The following PCDHGA2 variants were observed in gnomAD, a reference collection of about 807,000 sequenced individuals.
PCDHGA2 encodes protocadherin gamma-A2.
A neutral mutation model predicts 59.2 loss-of-function variants in PCDHGA2; 40 were observed. The ratio of observed to expected loss-of-function variants is 0.68; its 90% CI spans 0.52 to 0.88. The LOEUF (loss-of-function observed/expected upper bound fraction) is 0.88. PCDHGA2 is among the 40% of genes least tolerant of loss of function. The pLI, the probability that PCDHGA2 is intolerant of heterozygous loss-of-function variation, is 0.00. For synonymous variants in PCDHGA2, 560 were observed against 526.0 expected (o/e 1.06, Z -0.89); for missense variants, 1,226 against 1,204.0 (o/e 1.02, Z -0.27).
rs1160654712 is a variant in PCDHGA2, at chr5:141,360,146, G to A, written c.2424+18751G>A. Reference sequence around the variant, plus strand: ...AAAGGGAGCCAGAAGATGAAAGCGAGCTCAGGGAGGTGCGGGCTGGTGCGG... The same window carrying A: ...AAAGGGAGCCAGAAGATGAAAGCGAACTCAGGGAGGTGCGGGCTGGTGCGG... On this transcript the variant is annotated intron_variant, in intron 1 of 3. Coordinates refer to ENST00000394576, the MANE Select transcript of PCDHGA2 (RefSeq NM_018915.4). 12 of 1,600,736 alleles carry A rather than the reference G, an allele frequency of 7.5e-6. No homozygotes were observed. The East Asian group carries it at 1.4e-4, about 18-fold the overall frequency.
intron 1 of PCDHGA2, among the ~76,000 whole-genome samples, chr5:141,469,723 C>G (rs2099209474): frequency 6.6e-6 from 1 of 152,210 alleles, no homozygotes; most frequent in Non-Finnish European, 1.5e-5. Context: ...AGGAATTTAT[C>G]ATAAATACAC....
At chr5:141,353,031 T>C (rs978838558) in intron 1 of PCDHGA2, among the ~76,000 whole-genome samples, 31 of 152,172 alleles carry the variant, frequency 2.0e-4, no homozygotes, top group Non-Finnish European at 4.0e-4. Context: ...TTCTTCTCAT[T>C]GGTGTATAAG....
intron 1 of PCDHGA2, among the ~76,000 whole-genome samples, chr5:141,450,572 T>A (rs1276283357): frequency 6.6e-6 from 1 of 151,710 alleles, no homozygotes; most frequent in African/African-American, 2.4e-5. Flanking sequence ...CTGCAACTTC[T>A]GCCTCCCAGG....
Position 141,347,024 on chromosome 5 carries a change from CTCCT to C in PCDHGA2, c.2424+5642_2424+5645del, listed in dbSNP as rs773361494. Among the ~76,000 whole-genome samples, 17 of 149,360 alleles carry C rather than the reference CTCCT, an allele frequency of 1.1e-4. No individual in the cohort carries two copies. The East Asian group carries it at 2.5e-3, about 22-fold the overall frequency. On this transcript the variant is annotated intron_variant, in intron 1 of 3. Coordinates refer to ENST00000394576, the MANE Select transcript of PCDHGA2 (RefSeq NM_018915.4). Reference sequence around the variant, plus strand: ...TCCTTCCTTCCTTCCTCTCTCTTTCCTCCTTCCTTCCTTCCTCTCTCTCTTTCCT... The same window carrying C: ...TCCTTCCTTCCTTCCTCTCTCTTTCCTCCTTCCTTCCTCTCTCTCTTTCCT...
chr5:141,355,598 T>C (rs749684792), intron 1 of PCDHGA2: 15 of 1,613,952 alleles, frequency 9.3e-6, no homozygotes, highest in Non-Finnish European at 1.3e-5. Context: ...CCACCCAGTT[T>C]TGGGACAGAA....
intron 1 of PCDHGA2, chr5:141,421,732 C>T: frequency 6.2e-7 from 1 of 1,613,934 alleles, no homozygotes; most frequent in Non-Finnish European, 8.5e-7. Flanking sequence ...GAACTCCCTC[C>T]AGAGCTACCA....
At chr5:141,345,529 C>G in intron 1 of PCDHGA2, 1 of 1,614,166 alleles carries the variant, frequency 6.2e-7, no homozygotes, top group South Asian at 1.1e-5. Flanking sequence ...CTCCAGGGGG[C>G]GCCCCTGTCC....
chr5:141,476,747 C>T lies in PCDHGA2; in HGVS notation c.2425-18060C>T. The T allele has an allele frequency of 6.2e-7, 1 of 1,614,066 alleles. No homozygotes were observed. The highest frequency in any genetic ancestry group is 8.5e-7 in the Non-Finnish European group (1 of 1,180,036). On this transcript the variant is annotated intron_variant, in intron 1 of 3. Transcript: ENST00000394576. This position sits in a 1 kb window ranked among gnomAD's most constrained non-coding sequence, Gnocchi z 7.6. The stretch of plus-strand genomic sequence containing the variant: ...GGACCGAGAACGGGAGCCTAGTCTC[C>T]AGTTAGTGCTGACGGCGTTGGACGG...
chr5:141,380,499 A>G (rs1185808520), intron 1 of PCDHGA2, among the ~76,000 whole-genome samples: 4 of 152,330 alleles, frequency 2.6e-5, no homozygotes, highest in East Asian at 1.9e-4. Flanking sequence ...GTCAACAATA[A>G]TATACACTCT....
chr5:141,422,479 A>G, intron 1 of PCDHGA2: 1 of 1,613,890 alleles, frequency 6.2e-7, no homozygotes, highest in Non-Finnish European at 8.5e-7. Flanking sequence ...GTTGGTCCAG[A>G]GCTACAATAT....
At chr5:141,441,848 T>C (rs1034278597) in intron 1 of PCDHGA2, 2 of 356,906 alleles carry the variant, frequency 5.6e-6, no homozygotes, top group South Asian at 2.4e-5. Context: ...CTCTTGGATA[T>C]GGTGCTGCAC....
rs758993148 is a variant in PCDHGA2 at position 141,430,863 on chromosome 5, T to C, written c.2425-63944T>C. On this transcript the variant is annotated intron_variant, in intron 1 of 3. Transcript: ENST00000394576. Reference sequence around the variant, plus strand: ...GGATGCACCCAGATACGCTATTCAGTTCCGGAAGAGCTGGAGAAAGGCTCT... The same window carrying C: ...GGATGCACCCAGATACGCTATTCAGCTCCGGAAGAGCTGGAGAAAGGCTCT... 8 of 1,594,990 alleles carry C rather than the reference T, an allele frequency of 5.0e-6. No individual in the cohort carries two copies. In the South Asian group the frequency reaches 8.0e-5, roughly 16 times the overall value.
chr5:141,421,219 G>C (rs894586889), intron 1 of PCDHGA2: 1 of 1,573,208 alleles, frequency 6.4e-7, no homozygotes. Context: ...TATCGGCTTA[G>C]AGCCTGCCAT....
In PCDHGA2 at chr5:141,459,352, C is replaced by T. The variant is rs111826527; in HGVS notation, c.2425-35455C>T. On this transcript the variant is annotated intron_variant, in intron 1 of 3. Coordinates refer to ENST00000394576, the MANE Select transcript of PCDHGA2 (RefSeq NM_018915.4). Reference sequence around the variant, plus strand: ...TACTCCAAAGTTCTTGAAATTCATTCATGTTCCTGTGTGTATCAGCAGCGT... The same window carrying T: ...TACTCCAAAGTTCTTGAAATTCATTTATGTTCCTGTGTGTATCAGCAGCGT... 1.4e-4 allele frequency among the ~76,000 whole-genome samples: 21 copies of T among 152,304 alleles called. No homozygotes were observed. The East Asian group carries it at 3.7e-3, about 27-fold the overall frequency.
intron 1 of PCDHGA2, among the ~76,000 whole-genome samples, chr5:141,447,321 G>C (rs148203274): frequency 3.9e-5 from 6 of 152,068 alleles, no homozygotes; most frequent in Admixed American, 6.5e-5. Flanking sequence ...TGTATTTTTA[G>C]TAGAGACGGG....
Position 141,476,144 on chromosome 5 carries a change from C to T in PCDHGA2, c.2425-18663C>T. ...GGTCCCAGAGGCCTGGAGGAGCGGA[C>T]TGGTAAGCACCGGGAGGGTAGTGGG... is the stretch of plus-strand genomic sequence containing the variant. On this transcript the variant is annotated intron_variant, in intron 1 of 3. Transcript: ENST00000394576. This position sits in a 1 kb window ranked among gnomAD's most constrained non-coding sequence, Gnocchi z 7.6. 6.2e-7 allele frequency: 1 copy of T among 1,610,510 alleles called. No individual in the cohort carries two copies. The highest frequency in any genetic ancestry group is 1.3e-5 in the African/African-American group (1 of 75,014).
intron 1 of PCDHGA2, chr5:141,428,187 C>T: frequency 1.4e-6 from 2 of 1,439,502 alleles, no homozygotes; most frequent in Non-Finnish European, 1.9e-6. Context: ...GGACAGCCGC[C>T]GCTCTCTGCG....
rs1756809886 is a variant in PCDHGA2, at chr5:141,339,139, C to A, written c.168C>A (p.Pro56=). The A allele has an allele frequency of 1.9e-6, 3 of 1,614,086 alleles. No individual in the cohort carries two copies. The East Asian group carries it at 6.7e-5, about 36-fold the overall frequency. The part of the protein sequence containing the change: ...GNIAKDLGLE[P]LALAEQGVRI... Reference sequence around the variant, plus strand: ...TCGCCAAGGACTTGGGTTTGGAGCCCCTGGCACTGGCAGAGCAGGGAGTCC... The same window carrying A: ...TCGCCAAGGACTTGGGTTTGGAGCCACTGGCACTGGCAGAGCAGGGAGTCC... The change falls in exon 1 of 4, where the codon CCC becomes CCA. Residue 56 remains proline, a synonymous_variant. Coordinates refer to ENST00000394576, the MANE Select transcript of PCDHGA2 (RefSeq NM_018915.4).
At chr5:141,427,087 A>G (rs1338132084) in intron 1 of PCDHGA2, 1 of 458,198 alleles carries the variant, frequency 2.2e-6, no homozygotes, top group Non-Finnish European at 4.4e-6. Flanking sequence ...ACTGACCAGG[A>G]TGAGGGTGTC....
Sources: allele counts gnomAD v4.1 joint callset (sites outside exome capture counted in the v4.1 genomes callset), GRCh38; gene constraint gnomAD v4.1.1; non-coding constraint Gnocchi (gnomAD v3.1); transcripts MANE v1.5; gene names NCBI Gene and HGNC (gene_info 2026-07-23, HGNC 2026-07-21).